The following PDCD1LG2 variants were observed in gnomAD, a reference collection of about 807,000 sequenced individuals.
The protein encoded by PDCD1LG2 is B7 dendritic cell molecule.
PDCD1LG2 carries 32 observed loss-of-function variants against 28.2 expected under a neutral mutation model. The ratio of observed to expected loss-of-function variants is 1.13; its 90% confidence interval spans 0.86 to 1.52. The LOEUF is 1.52. PDCD1LG2 is among the 40% of genes most tolerant of loss of function. The probability of loss-of-function intolerance (pLI) is 0.00; values close to 1 mark genes in which losing one functional copy is unlikely to be tolerated. For synonymous variants in PDCD1LG2, 116 were observed against 120.2 expected (o/e 0.97, Z 0.23); for missense variants, 385 against 323.8 (o/e 1.19, Z -1.45).
chr9:5,515,747 C>G (rs1321474392), intron 1 of PDCD1LG2, among the ~76,000 whole-genome samples: 1 of 151,602 alleles, frequency 6.6e-6, no homozygotes, highest in Non-Finnish European at 1.5e-5. Flanking sequence ...GATGGTGAAA[C>G]TCCATCTCTA....
chr9:5,557,741 A>G lies in PDCD1LG2; in HGVS notation c.755A>G (p.Tyr252Cys), dbSNP rs766974769. Residue 252 changes from tyrosine to cysteine, a missense_variant, in exon 5 of 7, where the codon TAT becomes TGT. Physicochemically the swap from Tyr to Cys is radical, Grantham distance 194. Coordinates refer to ENST00000397747, the MANE Select transcript of PDCD1LG2 (RefSeq NM_025239.4). ...AGAAAACAACTCTGTCAAAAGCTGT[A>G]TTCTTCAAAAGGTAAGTGAGTTTTA... ...ALRKQLCQKLYSSKDTTKRPV... is the reference protein window; with the variant it reads ...ALRKQLCQKLCSSKDTTKRPV... 6.2e-7 allele frequency: 1 copy of G among 1,613,978 alleles called. No homozygotes were observed. Among genetic ancestry groups the G allele is most frequent in the Non-Finnish European group, 8.5e-7 (1 of 1,179,856 alleles).
chr9:5,510,574 C>T lies in PDCD1LG2; in HGVS notation c.-244C>T, dbSNP rs920037186. On this transcript the variant is annotated 5_prime_UTR_variant, in exon 1 of 7. Transcript: ENST00000397747. Reference sequence around the variant, plus strand: ...ACCTTAAGCTGAATGAACAACTTTTCTTCTCTTGAATATATCTTAACGCCA... The same window carrying T: ...ACCTTAAGCTGAATGAACAACTTTTTTTCTCTTGAATATATCTTAACGCCA... 8 of 152,678 alleles carry T rather than the reference C, an allele frequency of 5.2e-5. No homozygotes were observed. Among genetic ancestry groups the T allele is most frequent in the African/African-American group, 1.4e-4 (6 of 41,454 alleles). 9.5% of individuals were successfully genotyped at this position (152,678 alleles called of 1,614,324 possible).
intron 6 of PDCD1LG2, among the ~76,000 whole-genome samples, chr9:5,567,876 GT>G (rs1816695645): frequency 6.6e-6 from 1 of 152,162 alleles, no homozygotes; most frequent in Admixed American, 6.5e-5. Context: ...CATAATTTGG[GT>G]TAAAACAAAA....
intron 4 of PDCD1LG2, among the ~76,000 whole-genome samples, chr9:5,549,955 T>C (rs747186713): frequency 3.3e-5 from 5 of 152,176 alleles, no homozygotes; most frequent in Admixed American, 6.5e-5. Flanking sequence ...AATCTCCTGC[T>C]AGCACCTCCC....
intron 4 of PDCD1LG2, among the ~76,000 whole-genome samples, chr9:5,552,150 A>G (rs1434644164): frequency 3.3e-5 from 5 of 152,144 alleles, no homozygotes; most frequent in Non-Finnish European, 7.3e-5. Context: ...CTGGATATGG[A>G]AGTAAAAAGA....
intron 6 of PDCD1LG2, among the ~76,000 whole-genome samples, chr9:5,567,076 T>C (rs781219217): frequency 6.6e-6 from 1 of 152,216 alleles, no homozygotes; most frequent in Non-Finnish European, 1.5e-5. Flanking sequence ...AGAAGAAGAA[T>C]ACTTTCTGAA....
chr9:5,528,982 G>C lies in PDCD1LG2; in HGVS notation c.56-5763G>C, dbSNP rs938178312. Among the ~76,000 whole-genome samples, 33 of 152,212 alleles carry C rather than the reference G, an allele frequency of 2.2e-4. 1 individual carries two copies. The highest frequency in any genetic ancestry group is 2.2e-3 in the Admixed American group (33 of 15,278). ...GACCTCAAGTGGCCCACCCACCTTG[G>C]CCTCCCAAAGTGCTGGGATTACAGG... is the stretch of plus-strand genomic sequence containing the variant. On this transcript the variant is annotated intron_variant, in intron 2 of 6. Transcript: ENST00000397747.
intron 4 of PDCD1LG2, among the ~76,000 whole-genome samples, chr9:5,557,286 A>G (rs918619465): frequency 7.9e-5 from 12 of 152,186 alleles, no homozygotes; most frequent in African/African-American, 2.7e-4. Context: ...GATGGAAAAA[A>G]ATAACATGAG....
At chr9:5,563,128 A>G in intron 5 of PDCD1LG2, 34 bp from the exon 6 acceptor site, 1 of 1,530,740 alleles carries the variant, frequency 6.5e-7, no homozygotes, top group South Asian at 1.1e-5. Flanking sequence ...TTTCTCATTA[A>G]TCTTATTCCA....
At chr9:5,531,544 G>T (rs576954271) in intron 2 of PDCD1LG2, among the ~76,000 whole-genome samples, 37 of 152,210 alleles carry the variant, frequency 2.4e-4, no homozygotes, top group African/African-American at 8.9e-4. Flanking sequence ...TATCACTCCT[G>T]GCACGCATTC....
intron 1 of PDCD1LG2, among the ~76,000 whole-genome samples, chr9:5,517,241 A>C (rs1820184720): frequency 6.6e-6 from 1 of 152,218 alleles, no homozygotes; most frequent in Admixed American, 6.5e-5. Context: ...AGGAGAAAAA[A>C]CAATGAAAGT....
intron 2 of PDCD1LG2, among the ~76,000 whole-genome samples, chr9:5,532,617 G>A (rs1476740017): frequency 6.6e-6 from 1 of 152,114 alleles, no homozygotes; most frequent in East Asian, 1.9e-4. Context: ...CAGGATAGTG[G>A]GAAGAAAAAC....
At chr9:5,566,133 T>C (rs1394542124) in intron 6 of PDCD1LG2, among the ~76,000 whole-genome samples, 2 of 152,146 alleles carry the variant, frequency 1.3e-5, no homozygotes. Flanking sequence ...CATCCCGCAC[T>C]CTCATTTTGT....
rs532166615 is a variant in PDCD1LG2 at position 5,519,509 on chromosome 9, A to G, written c.-14-3024A>G. ...ATTTGCCTTTGTACCCTTCCTTTCA[A>G]TCTTCTCTGCTGGTGACCGCTCTTC... is the stretch of plus-strand genomic sequence containing the variant. On this transcript the variant is annotated intron_variant, in intron 1 of 6. Transcript: ENST00000397747. Among the ~76,000 whole-genome samples the G allele has an allele frequency of 2.0e-5, 3 of 152,224 alleles. No homozygotes were observed. The East Asian group carries it at 5.8e-4, about 29-fold the overall frequency.
At chr9:5,531,354 A>T (rs568968282) in intron 2 of PDCD1LG2, among the ~76,000 whole-genome samples, 1 of 152,346 alleles carries the variant, frequency 6.6e-6, no homozygotes, top group Admixed American at 6.5e-5. Flanking sequence ...TGGAGTAATC[A>T]AGCTCAAAGT....
intron 2 of PDCD1LG2, among the ~76,000 whole-genome samples, chr9:5,523,329 T>A (rs1022452821): frequency 6.6e-6 from 1 of 152,164 alleles, no homozygotes; most frequent in Non-Finnish European, 1.5e-5. Context: ...GAGAGTAACA[T>A]AGAGGTGTGG....
rs1425593763 is a variant in PDCD1LG2 at position 5,518,970 on chromosome 9, A to G, written c.-14-3563A>G. Among the ~76,000 whole-genome samples the G allele has an allele frequency of 2.6e-5, 4 of 152,198 alleles. No individual in the cohort carries two copies. In the South Asian group the frequency reaches 6.2e-4, roughly 24 times the overall value. On this transcript the variant is annotated intron_variant, in intron 1 of 6. Coordinates refer to ENST00000397747, the MANE Select transcript of PDCD1LG2 (RefSeq NM_025239.4). ...ATTATTTAGGTATGGTGAGGCCAAT[A>G]TATCAGGAAATGACTGTCGTTGAAA...
chr9:5,530,729 G>T (rs1195863692), intron 2 of PDCD1LG2, among the ~76,000 whole-genome samples: 1 of 152,242 alleles, frequency 6.6e-6, no homozygotes, highest in Non-Finnish European at 1.5e-5. Context: ...CAGATGAAAT[G>T]ATGGGCTAGC....
At chr9:5,536,953 T>C (rs1820592026) in intron 3 of PDCD1LG2, among the ~76,000 whole-genome samples, 1 of 152,222 alleles carries the variant, frequency 6.6e-6, no homozygotes, top group African/African-American at 2.4e-5. Context: ...ATCATGAATA[T>C]AGTCCATTGT....
Sources: gnomAD v4.1 joint callset for allele counts (sites outside exome capture counted in the v4.1 genomes callset) on GRCh38, gnomAD v4.1.1 for gene constraint, MANE v1.5 for transcripts, NCBI Gene and HGNC (gene_info 2026-07-23, HGNC 2026-07-21) for gene names.